The following TRPM7 variants were observed in gnomAD, a reference collection of about 807,000 sequenced individuals.
The protein encoded by TRPM7 is transient receptor potential cation channel subfamily M member 7.
In TRPM7, 134 loss-of-function variants were observed where a neutral mutation model predicts 229.7. The ratio of observed to expected loss-of-function variants is 0.58; its 90% confidence interval spans 0.51 to 0.67. The LOEUF (loss-of-function observed/expected upper bound fraction) is 0.67. Among genes scored for constraint, TRPM7 ranks in the 30% least tolerant of loss-of-function variants. TRPM7 has a pLI of 0.00. For missense variants in TRPM7, 1,901 were observed against 2,210.0 expected, an observed-to-expected ratio of 0.86 and a Z score of 2.80; for synonymous variants, 699 against 715.2, an observed-to-expected ratio of 0.98 and a Z score of 0.36.
rs771192923 is a variant in TRPM7, at chr15:50,604,942, A to G, written c.2912T>C (p.Phe971Ser). 1 of 1,613,832 alleles carries G rather than the reference A, an allele frequency of 6.2e-7. No individual in the cohort carries two copies. The highest frequency in any genetic ancestry group is 1.3e-5 in the African/African-American group (1 of 75,044). Residue 971 changes from phenylalanine (F) to serine (S), a missense_variant, in exon 21 of 39, where the codon TTT becomes TCT. By Grantham distance (155) the Phe-to-Ser change is radical. Coordinates refer to ENST00000646667, the MANE Select transcript of TRPM7 (RefSeq NM_017672.6). ...GRLIYCLNII[F>S]WYVRLLDFLA... ...AAAATCTAGCAAACGCACATACCAA[A>G]ATATTATGTTAAGACAGTAAATTAA...
At chr15:50,649,437 C>CAA (rs541168300) in intron 3 of TRPM7, among the ~76,000 whole-genome samples, 22 of 92,784 alleles carry the variant, frequency 2.4e-4, no homozygotes, top group South Asian at 3.1e-4. Flanking sequence ...GACCCCAACT[C>CAA]AAAAAAAAAA....
intron 13 of TRPM7, among the ~76,000 whole-genome samples, chr15:50,615,621 G>GTTT (rs141613896): frequency 2.0e-5 from 3 of 151,444 alleles, no homozygotes; most frequent in Admixed American, 2.0e-4. Flanking sequence ...TCATGAACTT[G>GTTT]TTTTTTTTAA....
chr15:50,665,075 T>G (rs2061845499), intron 1 of TRPM7, among the ~76,000 whole-genome samples: 1 of 152,142 alleles, frequency 6.6e-6, no homozygotes, highest in African/African-American at 2.4e-5. Context: ...AGAAGATCCA[T>G]TCATTCTTCT....
intron 1 of TRPM7, among the ~76,000 whole-genome samples, chr15:50,666,534 T>C (rs2061885987): frequency 6.6e-6 from 1 of 151,804 alleles, no homozygotes; most frequent in Non-Finnish European, 1.5e-5. Flanking sequence ...CCGGGTGCAG[T>C]GGCTTATACC....
chr15:50,576,878 G>A lies in TRPM7; in HGVS notation c.4619-959C>T, dbSNP rs552263241. On this transcript the variant is annotated intron_variant, in intron 31 of 38. Transcript: ENST00000646667. ...CATTAACACTTTGGGAGGCTGAGGT[G>A]GAAAGACTGCTTTGGGGCCAGGAGT... 9.1e-4 allele frequency among the ~76,000 whole-genome samples: 139 copies of A among 152,218 alleles called. 1 individual carries two copies. Among genetic ancestry groups the A allele is most frequent in the African/African-American group, 3.3e-3 (136 of 41,520 alleles).
At chr15:50,660,769 T>C (rs964995387) in intron 2 of TRPM7, among the ~76,000 whole-genome samples, 1 of 152,204 alleles carries the variant, frequency 6.6e-6, no homozygotes, top group African/African-American at 2.4e-5. Context: ...TGATCATTTA[T>C]ATTCCTTTAA....
chr15:50,680,790 C>T (rs558015424), intron 1 of TRPM7, among the ~76,000 whole-genome samples: 5 of 152,218 alleles, frequency 3.3e-5, no homozygotes, highest in South Asian at 2.1e-4. Context: ...ATATACATGT[C>T]CCTGAATATC....
In TRPM7 at chr15:50,632,943, T is replaced by C. The variant is rs1027139364; in HGVS notation, c.1057A>G (p.Thr353Ala). ...EPDIISTIKK[T>A]FNFGQNEALH... ...GCTTCATTCTGGCCAAAGTTAAATG[T>C]TTTTTTGATAGTGGAAATAATATCG... is the stretch of plus-strand genomic sequence containing the variant. The change falls in exon 9 of 39, where the codon ACA (threonine) becomes GCA (alanine). Residue 353 changes from threonine to alanine, a missense_variant. Thr to Ala is a moderately conservative substitution (Grantham distance 58). This residue lies in a region of TRPM7 where 794 missense variants were observed against 881.9 expected (regional missense o/e 0.90). Transcript: ENST00000646667. The C allele has an allele frequency of 2.7e-5, 43 of 1,604,794 alleles. No homozygotes were observed. The highest frequency in any genetic ancestry group is 3.4e-5 in the Non-Finnish European group (40 of 1,176,504).
At chr15:50,637,327 A>G (rs2060939336) in intron 7 of TRPM7, 95 bp downstream of exon 7, 1 of 1,150,306 alleles carries the variant, frequency 8.7e-7, no homozygotes, top group Admixed American at 2.3e-5. Context: ...CTATGTAAGA[A>G]AGAGCACTTC....
chr15:50,646,991 C>T (rs2061286868), intron 4 of TRPM7, among the ~76,000 whole-genome samples: 2 of 152,208 alleles, frequency 1.3e-5, no homozygotes, highest in Non-Finnish European at 2.9e-5. Flanking sequence ...GCTATACCAT[C>T]TAGGTCTGAA....
Position 50,634,557 on chromosome 15 carries a change from C to A in TRPM7, c.833-1G>T. 1 of 1,399,490 alleles carries A rather than the reference C, an allele frequency of 7.1e-7. No individual in the cohort carries two copies. Among genetic ancestry groups the A allele is most frequent in the South Asian group, 1.9e-5 (1 of 51,364 alleles). The allele number at this position is 1,399,490 out of a possible 1,614,324, so 86.7% of individuals were successfully genotyped here. On this transcript the variant is annotated splice_acceptor_variant, in intron 7 of 38. Transcript: ENST00000646667. LOFTEE classifies it high-confidence loss of function. ...ACCACAGGGACACCCTGGCCAATCC[C>A]TAAAAAGAGCAAAGTTAAATTAAAA...
chr15:50,679,511 A>ATAATATATTT (rs2062184777), intron 1 of TRPM7, among the ~76,000 whole-genome samples: 1 of 75,458 alleles, frequency 1.3e-5, no homozygotes, highest in Non-Finnish European at 2.2e-5. Flanking sequence ...GTATATATAT[A>ATAATATATTT]ATATATATAT....
chr15:50,591,870 T>C (rs1348189392), intron 26 of TRPM7, 41 bp downstream of exon 26: 15 of 1,327,480 alleles, frequency 1.1e-5, no homozygotes, highest in Non-Finnish European at 1.4e-5. Context: ...AGGTGAAAAG[T>C]AAATAATATT....
At chr15:50,570,910 A>G (rs1436588644) in intron 36 of TRPM7, among the ~76,000 whole-genome samples, 2 of 152,058 alleles carry the variant, frequency 1.3e-5, no homozygotes, top group African/African-American at 4.8e-5. Context: ...AGGGAAAAAA[A>G]CCACACACAT....
intron 23 of TRPM7, among the ~76,000 whole-genome samples, chr15:50,595,994 C>T (rs947469755): frequency 1.3e-5 from 2 of 151,994 alleles, no homozygotes; most frequent in African/African-American, 2.4e-5. Flanking sequence ...ATATTGAATG[C>T]GTATTTGTTG....
chr15:50,612,101 T>C (rs923084455), intron 16 of TRPM7, among the ~76,000 whole-genome samples: 20 of 152,336 alleles, frequency 1.3e-4, no homozygotes, highest in African/African-American at 4.8e-4. Flanking sequence ...GCATTTCTTC[T>C]TTGTTTCGAG....
Position 50,591,847 on chromosome 15 carries a change from T to C in TRPM7, c.4324+64A>G, listed in dbSNP as rs2059503711. 5 of 1,170,334 alleles carry C rather than the reference T, an allele frequency of 4.3e-6. No individual in the cohort carries two copies. In the South Asian group the frequency reaches 6.8e-5, roughly 16 times the overall value. 72.5% of individuals were successfully genotyped at this position (1,170,334 alleles called of 1,614,324 possible). On this transcript the variant is annotated intron_variant, in intron 26 of 38. Transcript: ENST00000646667. ...ATAATGACTTGTAACAGTACATATT[T>C]CTATTATTTCTAAGGTGAAAAGTAA...
At position 50,591,014 on chromosome 15, in the gene TRPM7, A is replaced by G. The variant is rs144337070; in HGVS notation, c.4324+897T>C. ...ACTGTCTGAATAATCTCTATGCATG[A>G]AAGTTTTCACTAAGGTCTTTAATGT... On this transcript the variant is annotated intron_variant, in intron 26 of 38. Transcript: ENST00000646667. 3.0e-4 allele frequency among the ~76,000 whole-genome samples: 46 copies of G among 152,326 alleles called. 1 individual carries two copies. In the East Asian group the frequency reaches 8.7e-3, roughly 29 times the overall value.
intron 1 of TRPM7, among the ~76,000 whole-genome samples, chr15:50,684,017 G>A (rs192916742): frequency 6.6e-6 from 1 of 151,936 alleles, no homozygotes; most frequent in East Asian, 1.9e-4. Context: ...CCATCACGAC[G>A]CCCTGCTAAT....
Sources: allele counts gnomAD v4.1 joint callset (sites outside exome capture counted in the v4.1 genomes callset), GRCh38; gene constraint gnomAD v4.1.1; regional missense constraint gnomAD v4.1.1; transcripts MANE v1.5; gene names NCBI Gene and HGNC (gene_info 2026-07-23, HGNC 2026-07-21).